CTBP2: variants seen among roughly 807,000 people sequenced by gnomAD.
CTBP2 encodes the protein C-terminal binding protein 2.
CTBP2 carries 30 observed loss-of-function variants against 80.3 expected under a neutral mutation model. The observed-to-expected ratio is 0.37, with a 90% confidence interval of 0.28 to 0.51. The LOEUF (loss-of-function observed/expected upper bound fraction) is 0.51, where lower values mean the gene tolerates loss of function less well. CTBP2 is among the 20% of genes least tolerant of loss of function. The probability of loss-of-function intolerance (pLI) is 0.93; values close to 1 mark genes in which losing one functional copy is unlikely to be tolerated. For synonymous variants in CTBP2, 594 were observed against 587.4 expected (o/e 1.01, Z -0.16); for missense variants, 1,212 against 1,375.3 (o/e 0.88, Z 1.88).
At chr10:125,068,693 G>C (rs1267731485) in intron 2 of CTBP2, among the ~76,000 whole-genome samples, 1 of 152,212 alleles carries the variant, frequency 6.6e-6, no homozygotes, top group Non-Finnish European at 1.5e-5. Flanking sequence ...GGTCCCTTGG[G>C]TGAGGGAGCT....
intron 2 of CTBP2, among the ~76,000 whole-genome samples, chr10:125,103,246 C>A (rs1052480786): frequency 5.9e-5 from 9 of 152,210 alleles, no homozygotes; most frequent in African/African-American, 1.7e-4. Context: ...CCAGCCCACT[C>A]CACACCCCCC....
rs764582568 is a variant in CTBP2 at position 124,993,224 on chromosome 10, G to C, written c.2637C>G (p.Thr879=). 6.3e-7 allele frequency: 1 copy of C among 1,599,422 alleles called. No individual in the cohort carries two copies. Among genetic ancestry groups the C allele is most frequent in the African/African-American group, 1.3e-5 (1 of 74,686 alleles). Residue 879 remains threonine, a synonymous_variant, in exon 7 of 9, where the codon ACC becomes ACG. Transcript: ENST00000309035. ...CACCTGTGATGGCTCGGCGGATCTCGGTGGCAGCTGCCTCCCTCATCTCCA... is the reference window on the plus strand; with the variant it reads ...CACCTGTGATGGCTCGGCGGATCTCCGTGGCAGCTGCCTCCCTCATCTCCA...
chr10:125,017,319 A>G (rs1956598404), intron 1 of CTBP2, among the ~76,000 whole-genome samples: 1 of 152,168 alleles, frequency 6.6e-6, no homozygotes, highest in African/African-American at 2.4e-5. Flanking sequence ...AGAGGCGATA[A>G]AGGCAGGAGA....
chr10:125,008,378 TG>T (rs1253086384), intron 1 of CTBP2, among the ~76,000 whole-genome samples: 2 of 152,238 alleles, frequency 1.3e-5, no homozygotes, highest in African/African-American at 4.8e-5. Flanking sequence ...GGACAGACAC[TG>T]GCCACATACC....
chr10:125,069,313 A>T (rs1845103547), intron 2 of CTBP2, among the ~76,000 whole-genome samples: 1 of 152,244 alleles, frequency 6.6e-6, no homozygotes, highest in Non-Finnish European at 1.5e-5. Context: ...GATGAGTTTC[A>T]AACACACAAA....
chr10:125,143,599 T>C (rs1382766803), intron 1 of CTBP2, among the ~76,000 whole-genome samples: 2 of 152,242 alleles, frequency 1.3e-5, no homozygotes, highest in Non-Finnish European at 2.9e-5. Context: ...AAAGCTTTTC[T>C]AAATCTCTAA....
intron 3 of CTBP2, among the ~76,000 whole-genome samples, chr10:125,037,617 A>G (rs1289499600): frequency 6.6e-6 from 1 of 152,272 alleles, no homozygotes; most frequent in African/African-American, 2.4e-5. Context: ...TAAGGAGACT[A>G]GAGAGATGTA....
intron 2 of CTBP2, among the ~76,000 whole-genome samples, chr10:125,106,374 A>T (rs981765926): frequency 9.2e-5 from 14 of 152,152 alleles, no homozygotes; most frequent in Non-Finnish European, 2.1e-4. Context: ...TCACTACCAC[A>T]GTGTTTCCGG....
At chr10:125,118,145 A>C (rs1244477302) in intron 1 of CTBP2, among the ~76,000 whole-genome samples, 2 of 152,230 alleles carry the variant, frequency 1.3e-5, no homozygotes, top group Non-Finnish European at 2.9e-5. Context: ...AAAATAGGAT[A>C]TGTTTCCAGT....
At chr10:125,126,480 G>A (rs574666358) in intron 1 of CTBP2, among the ~76,000 whole-genome samples, 3 of 152,276 alleles carry the variant, frequency 2.0e-5, no homozygotes, top group African/African-American at 4.8e-5. Flanking sequence ...AATGCCATCC[G>A]CAAGGCCAGG....
rs1476705900 is a variant in CTBP2, at chr10:125,003,401, G to A, written c.1770C>T (p.Ile590=). 1 of 1,606,020 alleles carries A rather than the reference G, an allele frequency of 6.2e-7. No homozygotes were observed. The highest frequency in any genetic ancestry group is 1.8e-5 in the Admixed American group (1 of 56,830). ...AGGCCACAGTGGCCAGGTCCTTCAG[G>A]ATGGGCATCTCCACAGTGCAGTCGC... The change falls in exon 2 of 9, where the codon ATC becomes ATT. Residue 590 remains isoleucine (I), a synonymous_variant. Coordinates refer to ENST00000309035, the MANE Select transcript of CTBP2 (RefSeq NM_022802.3).
chr10:125,099,482 C>A (rs567782915), intron 2 of CTBP2, among the ~76,000 whole-genome samples: 2 of 152,290 alleles, frequency 1.3e-5, no homozygotes, highest in South Asian at 2.1e-4. Flanking sequence ...CAGCCCTCCC[C>A]CCAAGTTCAC....
intron 2 of CTBP2, among the ~76,000 whole-genome samples, chr10:125,107,847 A>C (rs193141083): frequency 4.6e-5 from 7 of 152,342 alleles, no homozygotes; most frequent in Admixed American, 2.0e-4. Context: ...TTGCAAAACC[A>C]CAGCTGCAAC....
intron 4 of CTBP2, chr10:124,996,136 C>T (rs1393062316): frequency 4.7e-5 from 7 of 148,758 alleles, no homozygotes; most frequent in East Asian, 2.0e-4. Context: ...AATCCTGCTA[C>T]TGACTTAATC....
intron 4 of CTBP2, chr10:124,996,696 A>C (rs1006456426): frequency 5.9e-5 from 9 of 152,180 alleles, no homozygotes; most frequent in Admixed American, 2.6e-4. Flanking sequence ...CAGGGTGCTC[A>C]TGACCACCCC....
At chr10:125,074,217 T>C (rs1411473139) in intron 2 of CTBP2, among the ~76,000 whole-genome samples, 2 of 152,136 alleles carry the variant, frequency 1.3e-5, no homozygotes, top group African/African-American at 2.4e-5. Context: ...GAGAATATAG[T>C]GAACATAAGG....
chr10:125,022,302 A>G (rs1177109283), intron 1 of CTBP2, among the ~76,000 whole-genome samples: 2 of 152,216 alleles, frequency 1.3e-5, no homozygotes, highest in East Asian at 3.9e-4. Context: ...CCTGCTATAC[A>G]TAGTCACAGT....
At chr10:125,005,457 C>G in intron 1 of CTBP2, 1 of 1,325,158 alleles carries the variant, frequency 7.5e-7, no homozygotes, top group Non-Finnish European at 1.0e-6. Flanking sequence ...CGCATGGATC[C>G]GCACTCCAAC....
Position 124,993,980 on chromosome 10 carries a change from C to A in CTBP2, c.2406G>T (p.Arg802Ser). The stretch of plus-strand genomic sequence containing the variant: ...CTGCGTTCACAAGGAATGCTCCCTG[C>A]CTCATCTGTGGAAGGAAAGAAAAGC... The change falls in exon 6 of 9, where the codon AGG (arginine) becomes AGT (serine). Residue 802 changes from arginine (R) to serine (S), a missense_variant. Transcript: ENST00000309035. The A allele has an allele frequency of 6.2e-7, 1 of 1,614,082 alleles. No homozygotes were observed. The highest frequency in any genetic ancestry group is 8.5e-7 in the Non-Finnish European group (1 of 1,179,978).
Sources: allele counts gnomAD v4.1 joint callset (sites outside exome capture counted in the v4.1 genomes callset), GRCh38; gene constraint gnomAD v4.1.1; transcripts MANE v1.5; gene names NCBI Gene and HGNC (gene_info 2026-07-23, HGNC 2026-07-21).